The following SP4 variants were observed in gnomAD, a reference collection of about 807,000 sequenced individuals.
The protein encoded by SP4 is transcription factor Sp4.
SP4 carries 19 observed loss-of-function variants against 72.8 expected under a neutral mutation model. The ratio of observed to expected loss-of-function variants is 0.26; its 90% CI spans 0.18 to 0.38. SP4 has a LOEUF of 0.38. Ranked by LOEUF, SP4 falls within the 10% of genes least tolerant of loss-of-function variation. SP4 has a pLI of 1.00. For missense variants in SP4, 1,008 were observed against 926.3 expected, an observed-to-expected ratio of 1.09 and a Z score of -1.14; for synonymous variants, 395 against 333.1, an observed-to-expected ratio of 1.19 and a Z score of -2.02.
At chr7:21,490,632 A>G (rs964880433) in intron 5 of SP4, among the ~76,000 whole-genome samples, 5 of 152,198 alleles carry the variant, frequency 3.3e-5, no homozygotes, top group African/African-American at 4.8e-5. Flanking sequence ...CATAGGGGAA[A>G]TTTTGAGAGC....
chr7:21,506,677 C>T lies in SP4; in HGVS notation c.2108-4345C>T, dbSNP rs144447607. On this transcript the variant is annotated intron_variant, in intron 5 of 5. Transcript: ENST00000222584. ...GTAAATCCTCAGTTGGTTTCTCTTT[C>T]CATCCATCAATCTTTTGTAATTTTT... Among the ~76,000 whole-genome samples, 9 of 152,320 alleles carry T rather than the reference C, an allele frequency of 5.9e-5. No individual in the cohort carries two copies. The East Asian group carries it at 1.7e-3, about 29-fold the overall frequency.
intron 3 of SP4, among the ~76,000 whole-genome samples, chr7:21,450,809 G>A (rs1266284183): frequency 6.6e-6 from 1 of 152,140 alleles, no homozygotes; most frequent in Admixed American, 6.5e-5. Flanking sequence ...CTCAGTTCTT[G>A]CCTCCTCAGA....
chr7:21,476,664 T>C lies in SP4; in HGVS notation c.1679-415T>C, dbSNP rs192203043. The stretch of plus-strand genomic sequence containing the variant: ...TTTTCACTCCTGTATTTTCTTGTTA[T>C]GATAAGATATGTTGCTTACCGTGGA... On this transcript the variant is annotated intron_variant, in intron 3 of 5. Coordinates refer to ENST00000222584, the MANE Select transcript of SP4 (RefSeq NM_003112.5). Among the ~76,000 whole-genome samples, 44 of 152,360 alleles carry C rather than the reference T, an allele frequency of 2.9e-4. 1 individual carries two copies. Among genetic ancestry groups the C allele is most frequent in the African/African-American group, 1.1e-3 (44 of 41,594 alleles).
chr7:21,476,981 T>G, intron 3 of SP4, 98 bp from the exon 4 acceptor site: 1 of 829,174 alleles, frequency 1.2e-6, no homozygotes, highest in Non-Finnish European at 1.9e-6. Flanking sequence ...TTACACAGAT[T>G]GTTAGAAAAA....
chr7:21,466,293 A>G (rs1465206155), intron 3 of SP4, among the ~76,000 whole-genome samples: 1 of 152,230 alleles, frequency 6.6e-6, no homozygotes, highest in Non-Finnish European at 1.5e-5. Context: ...GTCCACATCC[A>G]AAGTGCTAGG....
At chr7:21,488,991 A>G (rs965013141) in intron 5 of SP4, among the ~76,000 whole-genome samples, 2 of 152,188 alleles carry the variant, frequency 1.3e-5, no homozygotes, top group Non-Finnish European at 2.9e-5. Flanking sequence ...ATTTTTAGCA[A>G]CTAGTGTTAT....
intron 5 of SP4, among the ~76,000 whole-genome samples, chr7:21,504,819 T>A (rs1038506483): frequency 6.6e-6 from 1 of 152,248 alleles, no homozygotes; most frequent in Non-Finnish European, 1.5e-5. Flanking sequence ...GTTAGCTTTC[T>A]ACTCTCCTAC....
At chr7:21,429,244 CT>C (rs376953570) in intron 2 of SP4, 44 bp from the exon 3 acceptor site, 16,590 of 1,140,704 alleles carry the variant, frequency 0.015, 263 homozygotes, top group African/African-American at 0.1. Flanking sequence ...AATCCGCCCA[CT>C]TTTTTTCCCC....
intron 3 of SP4, among the ~76,000 whole-genome samples, chr7:21,441,872 A>G (rs1783255547): frequency 6.6e-6 from 1 of 152,164 alleles, no homozygotes. Flanking sequence ...GCATTGAGAA[A>G]CTAAAGATGA....
Position 21,430,011 on chromosome 7 carries a change from G to T in SP4, c.846G>T (p.Gln282His), listed in dbSNP as rs765285909. The T allele has an allele frequency of 1.2e-6, 2 of 1,614,080 alleles. No individual in the cohort carries two copies. The highest frequency in any genetic ancestry group is 2.2e-5 in the South Asian group (2 of 91,092). Residue 282 changes from glutamine (Q) to histidine (H), a missense_variant, in exon 3 of 6, where the codon CAG becomes CAT. Around this residue, in one of 3 missense-constraint regions of SP4, gnomAD observed 893 missense variants for 743.3 expected, o/e 1.20. Transcript: ENST00000222584. ...NNVAAGGGTGQVGQPAATADS... is the reference protein window; with the variant it reads ...NNVAAGGGTGHVGQPAATADS... ...TGGCTGCCGGAGGAGGGACTGGGCA[G>T]GTTGGCCAGCCTGCTGCTACTGCTG...
Position 21,489,590 on chromosome 7 carries a change from C to T in SP4, c.2107+7467C>T, listed in dbSNP as rs1396894916. Among the ~76,000 whole-genome samples, 29 of 126,342 alleles carry T rather than the reference C, an allele frequency of 2.3e-4. No homozygotes were observed. The East Asian group carries it at 2.7e-3, about 12-fold the overall frequency. 82.9% of individuals were successfully genotyped at this position (126,342 alleles called of 152,430 possible). ...TTTTTTTTTTTTTGAGATGGAGTCT[C>T]GCTCTGTCACCCAGGCTGGAGTGCA... On this transcript the variant is annotated intron_variant, in intron 5 of 5. Transcript: ENST00000222584.
chr7:21,435,227 G>T (rs1314944078), intron 3 of SP4, among the ~76,000 whole-genome samples: 1 of 152,052 alleles, frequency 6.6e-6, no homozygotes, highest in African/African-American at 2.4e-5. Flanking sequence ...TATTATGCTG[G>T]TTCTCCCACA....
At chr7:21,455,648 C>T (rs2128400142) in intron 3 of SP4, among the ~76,000 whole-genome samples, 1 of 152,300 alleles carries the variant, frequency 6.6e-6, no homozygotes, top group East Asian at 1.9e-4. Flanking sequence ...CCCCCCAGTT[C>T]ATCCTTGGGG....
intron 2 of SP4, 59 bp downstream of exon 2, chr7:21,428,851 T>C (rs748444374): frequency 1.3e-5 from 17 of 1,313,570 alleles, no homozygotes; most frequent in East Asian, 1.3e-4. Context: ...GAGGGAGTTA[T>C]GCCCTTTGAA....
At chr7:21,451,438 A>G (rs912413582) in intron 3 of SP4, among the ~76,000 whole-genome samples, 2 of 152,074 alleles carry the variant, frequency 1.3e-5, no homozygotes, top group African/African-American at 2.4e-5. Flanking sequence ...CTACTGTAAC[A>G]TTTCCTCCCT....
chr7:21,504,455 C>G (rs1477207199), intron 5 of SP4, among the ~76,000 whole-genome samples: 1 of 152,166 alleles, frequency 6.6e-6, no homozygotes, highest in Non-Finnish European at 1.5e-5. Flanking sequence ...ACCTTTCTCA[C>G]ATAGGGAGTG....
chr7:21,446,210 T>A (rs1228964768), intron 3 of SP4, among the ~76,000 whole-genome samples: 2 of 152,174 alleles, frequency 1.3e-5, no homozygotes, highest in Non-Finnish European at 2.9e-5. Context: ...CCAGCTCATA[T>A]GGGGATATTT....
chr7:21,484,927 TTC>T (rs1187500170), intron 5 of SP4, among the ~76,000 whole-genome samples: 1 of 151,896 alleles, frequency 6.6e-6, no homozygotes, highest in African/African-American at 2.4e-5. Flanking sequence ...AAAAAAAAGA[TTC>T]ACACCATTAT....
At chr7:21,506,707 A>C (rs1380812030) in intron 5 of SP4, among the ~76,000 whole-genome samples, 3 of 152,290 alleles carry the variant, frequency 2.0e-5, no homozygotes. Flanking sequence ...ATTTTTTGGT[A>C]ATGTCAGGCC....
Sources: gnomAD v4.1 joint callset for allele counts (sites outside exome capture counted in the v4.1 genomes callset) on GRCh38, gnomAD v4.1.1 for gene constraint, gnomAD v4.1.1 regional missense constraint, MANE v1.5 for transcripts, NCBI Gene and HGNC (gene_info 2026-07-23, HGNC 2026-07-21) for gene names.